Variants in GALNT9 observed in about 807,000 individuals in gnomAD.
The protein encoded by GALNT9 is GalNAc transferase 9.
A neutral mutation model predicts 63.1 loss-of-function variants in GALNT9; 47 were observed. The ratio of observed to expected loss-of-function variants is 0.75; its 90% CI spans 0.59 to 0.95. The LOEUF (loss-of-function observed/expected upper bound fraction) is 0.95, where lower values mean the gene tolerates loss of function less well. Among genes scored for constraint, GALNT9 ranks in the 40% least tolerant of loss-of-function variants. GALNT9 has a pLI of 0.00. For missense variants in GALNT9, 829 were observed against 874.8 expected (o/e 0.95, Z 0.66); for synonymous variants, 396 against 365.7 (o/e 1.08, Z -0.94).
At chr12:132,211,091 C>T (rs1367019591) in intron 6 of GALNT9, among the ~76,000 whole-genome samples, 1 of 152,306 alleles carries the variant, frequency 6.6e-6, no homozygotes, top group Non-Finnish European at 1.5e-5. Flanking sequence ...GCACGTCACA[C>T]AACCAACGCT....
intron 2 of GALNT9, among the ~76,000 whole-genome samples, chr12:132,269,119 C>T (rs1879768517): frequency 6.6e-6 from 1 of 152,222 alleles, no homozygotes; most frequent in African/African-American, 2.4e-5. Context: ...ACCCCAACCT[C>T]GGAGCTCCGC....
At chr12:132,237,544 CCTACTCA>C (rs2136895443) in intron 6 of GALNT9, among the ~76,000 whole-genome samples, 4 of 152,072 alleles carry the variant, frequency 2.6e-5, no homozygotes, top group Non-Finnish European at 5.9e-5. Flanking sequence ...CCTACCTACG[CCTACTCA>C]CAACTGCATA....
intron 1 of GALNT9, among the ~76,000 whole-genome samples, chr12:132,295,861 C>CGAACAGGGAGGGCCTCCG (rs1881040855): frequency 1.0e-5 from 1 of 98,772 alleles, no homozygotes; most frequent in Non-Finnish European, 2.1e-5. Context: ...GGACGGCCTC[C>CGAACAGGGAGGGCCTCCG]GAACAGGGAC....
intron 6 of GALNT9, among the ~76,000 whole-genome samples, chr12:132,215,555 G>A (rs573795320): frequency 1.6e-4 from 24 of 152,248 alleles, no homozygotes; most frequent in Non-Finnish European, 2.6e-4. Context: ...GGACCACTCC[G>A]AGGGCCAGGC....
chr12:132,251,107 G>A (rs1436134474), intron 5 of GALNT9, among the ~76,000 whole-genome samples: 3 of 152,190 alleles, frequency 2.0e-5, no homozygotes, highest in Non-Finnish European at 2.9e-5. Context: ...AGACCCAAGC[G>A]GTGACCGGCA....
At position 132,307,460 on chromosome 12, in the gene GALNT9, G is replaced by A. The variant is rs78045159; in HGVS notation, c.239-21030C>T. Among the ~76,000 whole-genome samples, 1,044 of 152,216 alleles carry A rather than the reference G, an allele frequency of 6.9e-3. 6 individuals are homozygous for A. Among genetic ancestry groups the A allele is most frequent in the African/African-American group, 0.024 (993 of 41,514 alleles). Reference sequence around the variant, plus strand: ...CCATGGTCAAAGGGACTTTACAGACGAGATTAAGTTAGAGACCCTGAGACG... The same window carrying A: ...CCATGGTCAAAGGGACTTTACAGACAAGATTAAGTTAGAGACCCTGAGACG... On this transcript the variant is annotated intron_variant, in intron 1 of 10. Transcript: ENST00000328957.
rs1174297588 is a variant in GALNT9, at chr12:132,327,919, C to T, written c.238+1047G>A. ...TTGCCCCCACACACAGCAGGCACAT[C>T]CGGAGCCCCCGCCTGCCCGCGTAAC... On this transcript the variant is annotated intron_variant, in intron 1 of 10. Transcript: ENST00000328957. This position sits in a 1 kb window ranked among gnomAD's most constrained non-coding sequence, Gnocchi z 4.3. 6.6e-6 allele frequency among the ~76,000 whole-genome samples: 1 copy of T among 151,816 alleles called. No homozygotes were observed. Among genetic ancestry groups the T allele is most frequent in the Admixed American group, 6.6e-5 (1 of 15,256 alleles).
intron 6 of GALNT9, among the ~76,000 whole-genome samples, chr12:132,229,386 A>C (rs1877813599): frequency 6.6e-6 from 1 of 152,224 alleles, no homozygotes; most frequent in Non-Finnish European, 1.5e-5. Context: ...CTCACTCAGG[A>C]GTCTGTTCAG....
At chr12:132,209,418 C>T (rs1403530740) in intron 6 of GALNT9, among the ~76,000 whole-genome samples, 4 of 151,956 alleles carry the variant, frequency 2.6e-5, no homozygotes, top group East Asian at 3.8e-4. Flanking sequence ...GGCATGGTGG[C>T]GTGCACCTGT....
intron 6 of GALNT9, among the ~76,000 whole-genome samples, chr12:132,237,852 G>A (rs1384132328): frequency 1.3e-5 from 2 of 152,118 alleles, no homozygotes; most frequent in Admixed American, 6.5e-5. Context: ...GGTGGAGGTT[G>A]GGGGGTGGAA....
intron 6 of GALNT9, among the ~76,000 whole-genome samples, chr12:132,215,574 C>T (rs535656277): frequency 1.6e-4 from 24 of 152,388 alleles, no homozygotes; most frequent in African/African-American, 4.8e-4. Context: ...GCAAGGCTAG[C>T]GTGGCCCAGG....
chr12:132,294,269 G>T (rs968249049), intron 1 of GALNT9, among the ~76,000 whole-genome samples: 1 of 152,178 alleles, frequency 6.6e-6, no homozygotes, highest in Non-Finnish European at 1.5e-5. Context: ...CAGAGAGATG[G>T]GAGTCGCCTC....
At position 132,265,710 on chromosome 12, in the gene GALNT9, C is replaced by T. The variant is rs1309198946; in HGVS notation, c.420-3085G>A. On this transcript the variant is annotated intron_variant, in intron 2 of 10. Transcript: ENST00000328957. This position sits in a 1 kb window ranked among gnomAD's most constrained non-coding sequence, Gnocchi z 5.3. ...AGATACCTTATTCCTGATGTAGCTT[C>T]CCCAATCTCCAGCCAGTCAGCACCC... is the stretch of plus-strand genomic sequence containing the variant. 6.6e-6 allele frequency among the ~76,000 whole-genome samples: 1 copy of T among 152,192 alleles called. No individual in the cohort carries two copies. The highest frequency in any genetic ancestry group is 2.4e-5 in the African/African-American group (1 of 41,438).
Position 132,286,326 on chromosome 12 carries a change from C to T in GALNT9, c.343G>A (p.Glu115Lys). ...DDGQEAEGKY[E>K]EYGYNAQLSD... The stretch of plus-strand genomic sequence containing the variant: ...AGCTGAGCGTTGTAGCCGTACTCCT[C>T]ATACTTGCCTTCCGCCTCCTGGCCG... Residue 115 changes from glutamate to lysine, a missense_variant, in exon 2 of 11, where the codon GAG becomes AAG. Coordinates refer to ENST00000328957, the MANE Select transcript of GALNT9 (RefSeq NM_001122636.2). The surrounding 1 kb of genome is among the most constrained non-coding windows in gnomAD (Gnocchi z 7.4). The T allele has an allele frequency of 1.9e-6, 3 of 1,551,284 alleles. No homozygotes were observed. The highest frequency in any genetic ancestry group is 2.4e-5 in the South Asian group (2 of 84,062).
chr12:132,239,620 TGA>T (rs1396521861), intron 6 of GALNT9, among the ~76,000 whole-genome samples: 2 of 83,530 alleles, frequency 2.4e-5, no homozygotes, highest in East Asian at 3.1e-4. Flanking sequence ...ACTGAGAGAC[TGA>T]GAGACAGAGA....
rs1397983152 is a variant in GALNT9 at position 132,286,771 on chromosome 12, T to C, written c.239-341A>G. Among the ~76,000 whole-genome samples, 1 of 152,136 alleles carries C rather than the reference T, an allele frequency of 6.6e-6. No individual in the cohort carries two copies. Among genetic ancestry groups the C allele is most frequent in the Non-Finnish European group, 1.5e-5 (1 of 68,024 alleles). On this transcript the variant is annotated intron_variant, in intron 1 of 10. Coordinates refer to ENST00000328957, the MANE Select transcript of GALNT9 (RefSeq NM_001122636.2). The surrounding 1 kb of genome is among the most constrained non-coding windows in gnomAD (Gnocchi z 7.4). ...CTCTGTCACCCAGGCTGCAGTGCAG[T>C]GGCATGATCTCAGCTCACTGCAGCC...
intron 7 of GALNT9, 110 bp downstream of exon 7, chr12:132,203,395 C>T (rs745984858): frequency 9.8e-6 from 9 of 919,354 alleles, no homozygotes; most frequent in Non-Finnish European, 1.3e-5. Context: ...TCAACACACC[C>T]ACTCACACCT....
intron 7 of GALNT9, among the ~76,000 whole-genome samples, chr12:132,201,508 C>CCCTGCTGCAGCCGGCT (rs1436918267): frequency 6.6e-6 from 1 of 152,186 alleles, no homozygotes; most frequent in African/African-American, 2.4e-5. Flanking sequence ...GACAGACGGC[C>CCCTGCTGCAGCCGGCT]CCTGCTGCAG....
chr12:132,278,001 T>A (rs1340611391), intron 2 of GALNT9: 1 of 13,710 alleles, frequency 7.3e-5, no homozygotes, highest in African/African-American at 3.4e-4. Context: ...CCCGGCCCCC[T>A]CCCCCTCACT....
Sources: allele counts gnomAD v4.1 joint callset (sites outside exome capture counted in the v4.1 genomes callset), GRCh38; gene constraint gnomAD v4.1.1; non-coding constraint Gnocchi (gnomAD v3.1); transcripts MANE v1.5; gene names NCBI Gene and HGNC (gene_info 2026-07-23, HGNC 2026-07-21).